Variants in SCGB1D4 observed in about 807,000 individuals in gnomAD.
SCGB1D4 encodes the protein IFN-gamma inducible SCGB (IIS).
In SCGB1D4, 6 loss-of-function variants were observed where a neutral mutation model predicts 8.1. That is an observed-to-expected ratio of 0.74 (90% CI 0.40 to 1.45). SCGB1D4 has a LOEUF of 1.45. SCGB1D4 is among the 40% of genes most tolerant of loss of function. The pLI, the probability that SCGB1D4 is intolerant of heterozygous loss-of-function variation, is 0.02. For missense variants in SCGB1D4, 93 were observed against 95.0 expected (o/e 0.98, Z 0.09); for synonymous variants, 34 against 38.1 (o/e 0.89, Z 0.39).
chr11:62,297,816 G>A (rs961405368), intron 1 of SCGB1D4, among the ~76,000 whole-genome samples, 158 bp from the exon 2 acceptor site: 2 of 151,976 alleles, frequency 1.3e-5, no homozygotes, highest in Admixed American at 6.6e-5. Flanking sequence ...GACTTTCTCC[G>A]GGTCACACAA....
chr11:62,298,355 A>C (rs1338066537), intron 1 of SCGB1D4, among the ~76,000 whole-genome samples: 2 of 152,146 alleles, frequency 1.3e-5, no homozygotes, highest in Non-Finnish European at 2.9e-5. Context: ...CTCACATTAC[A>C]TCATCTGACA....
In SCGB1D4 at chr11:62,297,615, G is replaced by A. The variant is rs781176056; in HGVS notation, c.99C>T (p.Val33=). Residue 33 remains valine, a synonymous_variant, in exon 2 of 3, where the codon GTC becomes GTT. Transcript: ENST00000358585. ...CCGCAGCGTCACTTAAGAATAAGAA[G>A]ACTGTGATCTCAGAAGCAACAGCTG... ...VCPAVASEIT[V]FLFLSDAAVN... 6.2e-7 allele frequency: 1 copy of A among 1,614,050 alleles called. No homozygotes were observed. The highest frequency in any genetic ancestry group is 2.2e-5 in the East Asian group (1 of 44,884).
intron 2 of SCGB1D4, 88 bp from the exon 3 acceptor site, chr11:62,296,507 T>C: frequency 7.1e-7 from 1 of 1,407,662 alleles, no homozygotes. Context: ...AAGAGGCCAA[T>C]GGGATTTTGC....
In SCGB1D4 at chr11:62,297,550, G is replaced by T. The variant is rs760486009; in HGVS notation, c.164C>A (p.Ala55Asp). ...QVAKLNPPPEALAAKLEVKHC... is the reference protein window; with the variant it reads ...QVAKLNPPPEDLAAKLEVKHC... ...CTTCACTTCCAACTTGGCTGCAAGA[G>T]CTTCTGGAGGTGGATTAAGTTTGGC... The change falls in exon 2 of 3, where the codon GCT (alanine) becomes GAT (aspartate). Residue 55 changes from alanine to aspartate, a missense_variant. Coordinates refer to ENST00000358585, the MANE Select transcript of SCGB1D4 (RefSeq NM_206998.2). 2.5e-6 allele frequency: 4 copies of T among 1,613,932 alleles called. No individual in the cohort carries two copies. The highest frequency in any genetic ancestry group is 1.7e-6 in the Non-Finnish European group (2 of 1,179,884).
At chr11:62,298,850 G>T in intron 1 of SCGB1D4, 106 bp downstream of exon 1, 14 of 944,358 alleles carry the variant, frequency 1.5e-5, no homozygotes, top group South Asian at 4.4e-5. Context: ...TTGGAATTTT[G>T]TTTGGTTTTG....
chr11:62,297,387 A>G, intron 2 of SCGB1D4, 85 bp downstream of exon 2: 1 of 1,070,482 alleles, frequency 9.3e-7, no homozygotes. Flanking sequence ...CACAGCATCC[A>G]GGCAGGTGAC....
rs1033127093 is a variant in SCGB1D4, at chr11:62,299,053, T to C, written c.-43A>G. ...TGAGCTCAGCTTTCACAATGAGTGATTTGGATTCGACTCCAGGAGCCTGTG... is the reference window on the plus strand; with the variant it reads ...TGAGCTCAGCTTTCACAATGAGTGACTTGGATTCGACTCCAGGAGCCTGTG... On this transcript the variant is annotated 5_prime_UTR_variant, in exon 1 of 3. Transcript: ENST00000358585. 3 of 1,602,200 alleles carry C rather than the reference T, an allele frequency of 1.9e-6. No individual in the cohort carries two copies. In the East Asian group the frequency reaches 6.7e-5, roughly 36 times the overall value.
At chr11:62,298,885 A>G in intron 1 of SCGB1D4, 71 bp downstream of exon 1, 1 of 1,486,994 alleles carries the variant, frequency 6.7e-7, no homozygotes, top group Non-Finnish European at 9.2e-7. Flanking sequence ...CAAAGCACAA[A>G]TAGGTGATCT....
intron 1 of SCGB1D4, 23 bp downstream of exon 1, chr11:62,298,933 G>C: frequency 1.2e-6 from 2 of 1,612,528 alleles, no homozygotes. Flanking sequence ...GGCTGGTGCT[G>C]GACTCATGAC....
chr11:62,297,482 T>C lies in SCGB1D4; in HGVS notation c.232A>G (p.Lys78Glu). The C allele has an allele frequency of 1.2e-6, 2 of 1,611,366 alleles. No individual in the cohort carries two copies. Among genetic ancestry groups the C allele is most frequent in the Non-Finnish European group, 1.7e-6 (2 of 1,178,642 alleles). Residue 78 changes from lysine to glutamate, a missense_variant, in exon 2 of 3, where the codon AAA becomes GAA. Lys to Glu is a moderately conservative substitution (Grantham distance 56). Coordinates refer to ENST00000358585, the MANE Select transcript of SCGB1D4 (RefSeq NM_206998.2). ...QISFKKRLSL[K>E]KSWWK is the part of the protein sequence containing the mutation. The stretch of plus-strand genomic sequence containing the variant: ...GGAGAAAGAAATTACCAGGACTTTT[T>C]CAATGAGAGTCGTTTCTTAAAAGAT...
At chr11:62,298,512 A>C (rs1015496684) in intron 1 of SCGB1D4, among the ~76,000 whole-genome samples, 25 of 152,136 alleles carry the variant, frequency 1.6e-4, no homozygotes, top group Non-Finnish European at 3.5e-4. Flanking sequence ...TTATCCCAGC[A>C]CTTTAGGAGG....
chr11:62,298,775 A>T (rs967916442), intron 1 of SCGB1D4, among the ~76,000 whole-genome samples, 181 bp downstream of exon 1: 2 of 143,338 alleles, frequency 1.4e-5, no homozygotes, highest in African/African-American at 5.2e-5. Context: ...AAAAAAAAAA[A>T]GGAAGAAGAA....
At position 62,297,917 on chromosome 11, in the gene SCGB1D4, G is replaced by A. The variant is rs10459036; in HGVS notation, c.56-259C>T. ...GACTGGAATGCAGTGGCACAATCTC[G>A]GCTCACTGCAGCCTGAATGTCTTGG... is the stretch of plus-strand genomic sequence containing the variant. On this transcript the variant is annotated intron_variant, in intron 1 of 2. Transcript: ENST00000358585. Among the ~76,000 whole-genome samples the A allele has an allele frequency of 2.5e-3, 381 of 151,668 alleles. 4 individuals are homozygous for A. The East Asian group carries it at 0.028, about 11-fold the overall frequency.
intron 1 of SCGB1D4, 130 bp from the exon 2 acceptor site, chr11:62,297,788 AC>A: frequency 1.5e-6 from 1 of 689,000 alleles, no homozygotes; most frequent in Non-Finnish European, 2.4e-6. Context: ...TGATGACAAT[AC>A]CAGAAACTCC....
intron 2 of SCGB1D4, among the ~76,000 whole-genome samples, chr11:62,297,013 G>A (rs770282971): frequency 2.0e-5 from 3 of 152,216 alleles, no homozygotes; most frequent in Admixed American, 6.5e-5. Flanking sequence ...CTTGTGTGGC[G>A]TTGCAGTAGG....
chr11:62,298,459 G>A (rs1945462185), intron 1 of SCGB1D4, among the ~76,000 whole-genome samples: 2 of 152,270 alleles, frequency 1.3e-5, no homozygotes, highest in African/African-American at 4.8e-5. Flanking sequence ...CTGGGGATTA[G>A]AAGAAATAGC....
At chr11:62,297,827 C>T (rs1324038409) in intron 1 of SCGB1D4, among the ~76,000 whole-genome samples, 169 bp from the exon 2 acceptor site, 3 of 152,052 alleles carry the variant, frequency 2.0e-5, no homozygotes, top group Non-Finnish European at 4.4e-5. Context: ...GGTCACACAA[C>T]AAAGGGAAGA....
Position 62,296,285 on chromosome 11 carries a change from G to T in SCGB1D4, c.*125C>A. On this transcript the variant is annotated 3_prime_UTR_variant, in exon 3 of 3. Transcript: ENST00000358585. ...ATAACAAGACCAGTGGAGATGTGCA[G>T]GGCAAGTGATTTATTAAAGCAACGT... is the stretch of plus-strand genomic sequence containing the variant. 1 of 869,252 alleles carries T rather than the reference G, an allele frequency of 1.2e-6. No individual in the cohort carries two copies. The highest frequency in any genetic ancestry group is 2.4e-5 in the East Asian group (1 of 41,624). The allele number at this position is 869,252 out of a possible 1,614,324, so 53.8% of individuals were successfully genotyped here.
chr11:62,296,455 G>A (rs1265955024), intron 2 of SCGB1D4, 36 bp from the exon 3 acceptor site: 4 of 1,600,202 alleles, frequency 2.5e-6, no homozygotes, highest in African/African-American at 1.3e-5. Flanking sequence ...AAAGAAAGGT[G>A]AGGTCAGTCA....
Sources: allele counts gnomAD v4.1 joint callset (sites outside exome capture counted in the v4.1 genomes callset), GRCh38; gene constraint gnomAD v4.1.1; transcripts MANE v1.5; gene names NCBI Gene and HGNC (gene_info 2026-07-23, HGNC 2026-07-21).